The following RASGRF1 variants were observed in gnomAD, a reference collection of about 807,000 sequenced individuals.
The protein encoded by RASGRF1 is ras-specific guanine nucleotide-releasing factor 1.
In RASGRF1, 40 loss-of-function variants were observed where a neutral mutation model predicts 138.7. The ratio of observed to expected loss-of-function variants is 0.29; its 90% CI spans 0.22 to 0.38. RASGRF1 has a LOEUF of 0.38. Among genes scored for constraint, RASGRF1 ranks in the 10% least tolerant of loss-of-function variants. The probability of loss-of-function intolerance (pLI) is 1.00; values close to 1 mark genes in which losing one functional copy is unlikely to be tolerated. For synonymous variants in RASGRF1, 614 were observed against 663.2 expected (o/e 0.93, Z 1.14); for missense variants, 1,108 against 1,650.4 (o/e 0.67, Z 5.69).
chr15:79,011,617 G>A lies in RASGRF1; in HGVS notation c.1826+3710C>T, dbSNP rs144106622. Among the ~76,000 whole-genome samples the A allele has an allele frequency of 1.7e-3, 253 of 152,280 alleles. 1 individual carries two copies. Among genetic ancestry groups the A allele is most frequent in the African/African-American group, 5.4e-3 (226 of 41,568 alleles). On this transcript the variant is annotated intron_variant, in intron 13 of 26. Transcript: ENST00000558480. ...CGGCTACAGCTGTGGCCAGGCACTC[G>A]TCCCTATACCAGAGAGAGGGCAATT...
At chr15:78,994,859 A>G (rs946422368) in intron 20 of RASGRF1, among the ~76,000 whole-genome samples, 1 of 151,364 alleles carries the variant, frequency 6.6e-6, no homozygotes, top group African/African-American at 2.4e-5. Context: ...GGGTGTGAAC[A>G]CCAGCTCTTA....
intron 26 of RASGRF1, among the ~76,000 whole-genome samples, chr15:78,971,579 T>C (rs2055761120): frequency 6.6e-6 from 1 of 152,188 alleles, no homozygotes; most frequent in Admixed American, 6.5e-5. Context: ...ATAGTACCTT[T>C]CAGAAACAGA....
rs115718663 is a variant in RASGRF1, at chr15:79,017,949, G to A, written c.1607-43C>T. The A allele has an allele frequency of 3.9e-4, 627 of 1,604,438 alleles. 8 individuals are homozygous for A. The South Asian group carries it at 4.8e-3, about 12-fold the overall frequency. On this transcript the variant is annotated intron_variant, in intron 11 of 26. Coordinates refer to ENST00000558480, the MANE Select transcript of RASGRF1 (RefSeq NM_001145648.3). ...TAAAGTTAGCAGCATGAATGTGGAC[G>A]CCTTTTCAGGTGGAAAATGTTTTAG...
At chr15:79,002,227 C>G (rs2056546193) in intron 15 of RASGRF1, among the ~76,000 whole-genome samples, 2 of 152,012 alleles carry the variant, frequency 1.3e-5, no homozygotes, top group South Asian at 4.1e-4. Flanking sequence ...CAGTTTTCCT[C>G]TGCTTTTAAC....
chr15:78,994,926 C>CTTTTTTTT (rs72369256), intron 20 of RASGRF1, among the ~76,000 whole-genome samples: 2 of 136,058 alleles, frequency 1.5e-5, no homozygotes, highest in Non-Finnish European at 1.6e-5. Flanking sequence ...CTTCCAGCAC[C>CTTTTTTTT]TTTTTTTTTT....
At chr15:79,062,695 C>G (rs967004168) in intron 2 of RASGRF1, among the ~76,000 whole-genome samples, 9 of 152,068 alleles carry the variant, frequency 5.9e-5, no homozygotes, top group Admixed American at 5.9e-4. Flanking sequence ...TACCACCCCC[C>G]GCTATGCCCA....
intron 3 of RASGRF1, among the ~76,000 whole-genome samples, chr15:79,056,256 CAGTG>C (rs1418808999): frequency 1.3e-5 from 2 of 152,192 alleles, no homozygotes; most frequent in Non-Finnish European, 2.9e-5. Context: ...AGGTGATCTT[CAGTG>C]AGTGAGTAAG....
chr15:79,081,987 C>A (rs560278648), intron 1 of RASGRF1, among the ~76,000 whole-genome samples: 2 of 152,308 alleles, frequency 1.3e-5, no homozygotes, highest in Admixed American at 1.3e-4. Context: ...GGAGGCCAGG[C>A]AAGGATCCTG....
intron 9 of RASGRF1, 63 bp from the exon 10 acceptor site, chr15:79,025,537 C>G (rs1377014125): frequency 6.5e-7 from 1 of 1,537,164 alleles, no homozygotes; most frequent in East Asian, 2.3e-5. Flanking sequence ...TCTGACCCAG[C>G]CTTGAAGGTT....
intron 24 of RASGRF1, among the ~76,000 whole-genome samples, chr15:78,978,220 GT>G (rs71148584): frequency 3.0e-4 from 38 of 125,106 alleles, no homozygotes; most frequent in African/African-American, 1.4e-3. Flanking sequence ...CTTTTCTTTT[GT>G]TTTTTTTTTT....
chr15:78,984,218 G>T (rs895673955), intron 23 of RASGRF1, among the ~76,000 whole-genome samples: 1 of 152,180 alleles, frequency 6.6e-6, no homozygotes, highest in Non-Finnish European at 1.5e-5. Flanking sequence ...GACAGACACT[G>T]CTGCCAAGGG....
chr15:78,987,145 T>C lies in RASGRF1; in HGVS notation c.3217-1941A>G, dbSNP rs546445572. Reference sequence around the variant, plus strand: ...ATTTGTTTAATATACCATGACCACATTGGGTTTGTCCCTGGAATGCAAGGA... The same window carrying C: ...ATTTGTTTAATATACCATGACCACACTGGGTTTGTCCCTGGAATGCAAGGA... On this transcript the variant is annotated intron_variant, in intron 22 of 26. Transcript: ENST00000558480. 9.3e-4 allele frequency among the ~76,000 whole-genome samples: 142 copies of C among 152,254 alleles called. 1 individual carries two copies. Among genetic ancestry groups the C allele is most frequent in the African/African-American group, 3.3e-3 (136 of 41,556 alleles).
At chr15:79,012,283 A>G (rs2056810946) in intron 13 of RASGRF1, among the ~76,000 whole-genome samples, 1 of 152,072 alleles carries the variant, frequency 6.6e-6, no homozygotes, top group Non-Finnish European at 1.5e-5. Flanking sequence ...GCAAACTCCA[A>G]CTGGTCCTTC....
intron 1 of RASGRF1, among the ~76,000 whole-genome samples, chr15:79,067,783 C>A (rs1595960086): frequency 6.6e-6 from 1 of 151,920 alleles, no homozygotes; most frequent in African/African-American, 2.4e-5. Flanking sequence ...GAGACAGAGA[C>A]AGAGATAAGA....
chr15:79,058,227 C>T, intron 3 of RASGRF1, 107 bp downstream of exon 3: 1 of 1,488,530 alleles, frequency 6.7e-7, no homozygotes, highest in Admixed American at 2.0e-5. Flanking sequence ...AGAACTGCAT[C>T]TGGGAGCTGC....
In RASGRF1 at chr15:78,985,116, T is replaced by C; in HGVS notation, c.3305A>G (p.Asp1102Gly). 1 of 1,613,466 alleles carries C rather than the reference T, an allele frequency of 6.2e-7. No individual in the cohort carries two copies. Among genetic ancestry groups the C allele is most frequent in the Non-Finnish European group, 8.5e-7 (1 of 1,179,454 alleles). The change falls in exon 23 of 27, where the codon GAC becomes GGC. Residue 1102 changes from aspartate (D) to glycine (G), a missense_variant. By Grantham distance (94) the Asp-to-Gly change is moderately conservative (BLOSUM62 -1). Around this residue, in one of 3 missense-constraint regions of RASGRF1, gnomAD observed 686 missense variants for 976.7 expected, o/e 0.70. Coordinates refer to ENST00000558480, the MANE Select transcript of RASGRF1 (RefSeq NM_001145648.3). ...SAIEKWVAVA[D>G]ICRCLHNYNA... ...GTAGTTGTGGAGGCAGCGGCATATG[T>C]CAGCTACGGCCACCCACTTCTCGAT...
chr15:78,994,841 C>G (rs2056355275), intron 20 of RASGRF1, among the ~76,000 whole-genome samples: 1 of 151,922 alleles, frequency 6.6e-6, no homozygotes, highest in Non-Finnish European at 1.5e-5. Flanking sequence ...CTGGAGTCAG[C>G]CAGACCTGGG....
At position 79,004,039 on chromosome 15, in the gene RASGRF1, G is replaced by A. The variant is rs552622510; in HGVS notation, c.2212C>T (p.Arg738Trp). The A allele has an allele frequency of 4.3e-6, 7 of 1,614,186 alleles. No homozygotes were observed. Among genetic ancestry groups the A allele is most frequent in the Admixed American group, 1.7e-5 (1 of 60,028 alleles). Residue 738 changes from arginine to tryptophan, a missense_variant, in exon 15 of 27, where the codon CGG becomes TGG. Physicochemically the swap from Arg to Trp is moderately radical, Grantham distance 101 (BLOSUM62 -3). Around this residue, in one of 3 missense-constraint regions of RASGRF1, gnomAD observed 686 missense variants for 976.7 expected, o/e 0.70. Coordinates refer to ENST00000558480, the MANE Select transcript of RASGRF1 (RefSeq NM_001145648.3). ...SITKTSSPSR[R>W]RKLSLNIPII... is the part of the protein sequence containing the mutation. ...GGGATGTTCAGGGAGAGCTTCCGCCGGCGGCTCGGTGACGATGTCTTGGTG... is the reference window on the plus strand; with the variant it reads ...GGGATGTTCAGGGAGAGCTTCCGCCAGCGGCTCGGTGACGATGTCTTGGTG...
intron 4 of RASGRF1, among the ~76,000 whole-genome samples, 173 bp from the exon 5 acceptor site, chr15:79,047,172 T>C (rs2057366161): frequency 6.6e-6 from 1 of 152,252 alleles, no homozygotes; most frequent in Admixed American, 6.5e-5. Context: ...GCCCACATGA[T>C]ACAGGGCAAG....
Sources: gnomAD v4.1 joint callset for allele counts (sites outside exome capture counted in the v4.1 genomes callset) on GRCh38, gnomAD v4.1.1 for gene constraint, gnomAD v4.1.1 regional missense constraint, MANE v1.5 for transcripts, NCBI Gene and HGNC (gene_info 2026-07-23, HGNC 2026-07-21) for gene names.